CRADD: variants seen among roughly 807,000 people sequenced by gnomAD.
CRADD encodes death domain-containing protein CRADD.
CRADD carries 9 observed loss-of-function variants against 15.5 expected under a neutral mutation model. That is an observed-to-expected ratio of 0.58 (90% CI 0.35 to 1.01). CRADD has a LOEUF of 1.01. Ranked by LOEUF, CRADD falls within the 50% of genes least tolerant of loss-of-function variation. The pLI, the probability that CRADD is intolerant of heterozygous loss-of-function variation, is 0.02. For synonymous variants in CRADD, 118 were observed against 107.6 expected, an observed-to-expected ratio of 1.10 and a Z score of -0.60; for missense variants, 227 against 250.3, an observed-to-expected ratio of 0.91 and a Z score of 0.63.
intron 2 of CRADD, among the ~76,000 whole-genome samples, chr12:93,788,704 T>C (rs1465353895): frequency 2.0e-5 from 3 of 152,182 alleles, no homozygotes; most frequent in Non-Finnish European, 4.4e-5. Flanking sequence ...AGCAATGGCA[T>C]TGGGATCAAA....
chr12:93,812,384 G>T (rs1957637967), intron 2 of CRADD, among the ~76,000 whole-genome samples: 1 of 151,990 alleles, frequency 6.6e-6, no homozygotes, highest in Non-Finnish European at 1.5e-5. Context: ...TGACTAACTG[G>T]CATAAATAAA....
chr12:93,880,014 A>G (rs1347005050), intron 2 of CRADD, among the ~76,000 whole-genome samples: 1 of 152,222 alleles, frequency 6.6e-6, no homozygotes, highest in Admixed American at 6.5e-5. Flanking sequence ...AATGAATACA[A>G]CAGATGGTGA....
At chr12:93,808,912 C>T (rs1242233865) in intron 2 of CRADD, among the ~76,000 whole-genome samples, 1 of 151,412 alleles carries the variant, frequency 6.6e-6, no homozygotes, top group East Asian at 1.9e-4. Flanking sequence ...TGAAATTTGA[C>T]TTCTTTTTTT....
intron 2 of CRADD, among the ~76,000 whole-genome samples, chr12:93,801,061 A>G (rs767060760): frequency 2.0e-5 from 3 of 152,170 alleles, no homozygotes; most frequent in Non-Finnish European, 2.9e-5. Context: ...TTCAGGCAAG[A>G]ATATCTTTTA....
At chr12:93,768,268 G>T (rs1017822631) in intron 2 of CRADD, among the ~76,000 whole-genome samples, 2 of 152,136 alleles carry the variant, frequency 1.3e-5, no homozygotes, top group African/African-American at 4.8e-5. Flanking sequence ...ACAACTGAAA[G>T]ATTTGAAAAT....
In CRADD at chr12:93,698,648, G is replaced by A. The variant is rs142620391; in HGVS notation, c.298+19576G>A. Reference sequence around the variant, plus strand: ...GTGTCTTCTGTTTGTATGCTTTTAAGTTTCTAAATCTTTTCTCTTCATTGT... The same window carrying A: ...GTGTCTTCTGTTTGTATGCTTTTAAATTTCTAAATCTTTTCTCTTCATTGT... On this transcript the variant is annotated intron_variant, in intron 2 of 2. Coordinates refer to ENST00000332896, the MANE Select transcript of CRADD (RefSeq NM_003805.5). 2.2e-3 allele frequency among the ~76,000 whole-genome samples: 331 copies of A among 152,178 alleles called. 2 individuals carry two copies. The highest frequency in any genetic ancestry group is 7.6e-3 in the African/African-American group (317 of 41,512).
intron 2 of CRADD, among the ~76,000 whole-genome samples, chr12:93,893,118 G>A (rs1958588394): frequency 6.6e-6 from 1 of 152,102 alleles, no homozygotes; most frequent in Admixed American, 6.6e-5. Context: ...TTTCCTTTGT[G>A]TTTTTCTGCC....
Position 93,741,290 on chromosome 12 carries a change from T to A in CRADD, c.298+62218T>A, listed in dbSNP as rs138329268. Reference sequence around the variant, plus strand: ...TTTATTTGTGTTTAGAGTATCTTGTTGTAATATACTTCTCCCCCATCTTGT... The same window carrying A: ...TTTATTTGTGTTTAGAGTATCTTGTAGTAATATACTTCTCCCCCATCTTGT... On this transcript the variant is annotated intron_variant, in intron 2 of 2. Transcript: ENST00000332896. Among the ~76,000 whole-genome samples the A allele has an allele frequency of 5.6e-3, 853 of 152,360 alleles. 10 individuals are homozygous for A. Among genetic ancestry groups the A allele is most frequent in the African/African-American group, 0.018 (760 of 41,588 alleles).
intron 2 of CRADD, among the ~76,000 whole-genome samples, chr12:93,802,292 T>C (rs1957484773): frequency 6.6e-6 from 1 of 152,252 alleles, no homozygotes; most frequent in South Asian, 2.1e-4. Context: ...GTTTTACTAA[T>C]TTACATTCCC....
chr12:93,686,026 G>A (rs1955425330), intron 2 of CRADD, among the ~76,000 whole-genome samples: 1 of 149,512 alleles, frequency 6.7e-6, no homozygotes, highest in Non-Finnish European at 1.5e-5. Context: ...ATGGTTGGGT[G>A]TAGTGGCTCA....
intron 2 of CRADD, among the ~76,000 whole-genome samples, chr12:93,732,769 A>G (rs1166170383): frequency 6.6e-6 from 1 of 152,216 alleles, no homozygotes; most frequent in Non-Finnish European, 1.5e-5. Context: ...CAGACCTGAC[A>G]GAGTTGTTGA....
chr12:93,697,884 G>T (rs1040382336), intron 2 of CRADD, among the ~76,000 whole-genome samples: 1 of 152,102 alleles, frequency 6.6e-6, no homozygotes, highest in Non-Finnish European at 1.5e-5. Context: ...GGATGGTTGT[G>T]GGGAAATGGG....
chr12:93,719,841 C>T (rs1212498258), intron 2 of CRADD, among the ~76,000 whole-genome samples: 1 of 152,016 alleles, frequency 6.6e-6, no homozygotes, highest in African/African-American at 2.4e-5. Flanking sequence ...TTTTCTTAGC[C>T]TGTCTAGATG....
At chr12:93,846,588 A>ACACACACACACGCGCG (rs1198792831) in intron 2 of CRADD, 1 of 140,338 alleles carries the variant, frequency 7.1e-6, no homozygotes, top group African/African-American at 2.6e-5. Flanking sequence ...CAGAACACAC[A>ACACACACACACGCGCG]CACACACACA....
At chr12:93,735,878 T>C (rs967950859) in intron 2 of CRADD, 4 of 151,970 alleles carry the variant, frequency 2.6e-5, no homozygotes, top group Admixed American at 2.6e-4. Context: ...GAGGGTGGTA[T>C]ACATATAGAT....
intron 2 of CRADD, among the ~76,000 whole-genome samples, chr12:93,720,644 C>A (rs993616877): frequency 6.6e-6 from 1 of 152,182 alleles, no homozygotes. Flanking sequence ...GGAATATTGA[C>A]CCCTTTATCA....
chr12:93,771,358 T>G (rs1957083656), intron 2 of CRADD, among the ~76,000 whole-genome samples: 1 of 152,228 alleles, frequency 6.6e-6, no homozygotes, highest in African/African-American at 2.4e-5. Context: ...TCCATTTGAA[T>G]TTTTTAATTA....
At chr12:93,869,739 C>A (rs74902280) in intron 2 of CRADD, among the ~76,000 whole-genome samples, 3,538 of 152,146 alleles carry the variant, frequency 0.023, 132 homozygotes, top group African/African-American at 0.079. Context: ...GAAAAGCCAA[C>A]AAAAATCACC....
intron 2 of CRADD, among the ~76,000 whole-genome samples, chr12:93,877,917 AG>A (rs1958468483): frequency 1.3e-5 from 2 of 151,952 alleles, no homozygotes; most frequent in South Asian, 4.3e-4. Context: ...CTCAAGCAGA[AG>A]GAGTTTTGTC....
Sources: allele counts gnomAD v4.1 joint callset (sites outside exome capture counted in the v4.1 genomes callset), GRCh38; gene constraint gnomAD v4.1.1; transcripts MANE v1.5; gene names NCBI Gene and HGNC (gene_info 2026-07-23, HGNC 2026-07-21).